CFAP299: variants seen among roughly 807,000 people sequenced by gnomAD.
CFAP299 encodes cilia- and flagella-associated protein 299.
CFAP299 carries 21 observed loss-of-function variants against 27.0 expected under a neutral mutation model. That is an observed-to-expected ratio of 0.78 (90% CI 0.55 to 1.12). CFAP299 has a LOEUF of 1.12. Ranked by LOEUF, CFAP299 falls within the 50% of genes most tolerant of loss-of-function variation. CFAP299 has a pLI of 0.00. For synonymous variants in CFAP299, 104 were observed against 98.1 expected, an observed-to-expected ratio of 1.06 and a Z score of -0.36; for missense variants, 310 against 276.6, an observed-to-expected ratio of 1.12 and a Z score of -0.86.
intron 3 of CFAP299, among the ~76,000 whole-genome samples, chr4:80,778,165 G>C (rs1371403216): frequency 6.6e-6 from 1 of 152,046 alleles, no homozygotes; most frequent in Non-Finnish European, 1.5e-5. Context: ...TTGGGTCTCA[G>C]GATTTTTTTT....
At chr4:80,721,767 T>C (rs1039428572) in intron 3 of CFAP299, among the ~76,000 whole-genome samples, 7 of 152,008 alleles carry the variant, frequency 4.6e-5, no homozygotes, top group Non-Finnish European at 1.0e-4. Context: ...CAAATTTTGG[T>C]AGGAAATTAT....
At chr4:80,741,471 G>A (rs573600015) in intron 3 of CFAP299, among the ~76,000 whole-genome samples, 28 of 152,034 alleles carry the variant, frequency 1.8e-4, no homozygotes, top group Non-Finnish European at 3.4e-4. Context: ...GTGTGTCTTC[G>A]AATGCCATCT....
At chr4:80,611,160 C>T (rs995270759) in intron 3 of CFAP299, among the ~76,000 whole-genome samples, 1 of 151,982 alleles carries the variant, frequency 6.6e-6, no homozygotes, top group African/African-American at 2.4e-5. Flanking sequence ...TGAAATTACA[C>T]CTGTCAGTAA....
At chr4:80,745,791 G>T (rs1724551162) in intron 3 of CFAP299, among the ~76,000 whole-genome samples, 1 of 151,898 alleles carries the variant, frequency 6.6e-6, no homozygotes, top group South Asian at 2.1e-4. Context: ...TAGTCATCAT[G>T]TTGCTTTAGA....
intron 4 of CFAP299, among the ~76,000 whole-genome samples, chr4:80,896,195 A>C (rs903367306): frequency 6.6e-6 from 1 of 152,104 alleles, no homozygotes; most frequent in Admixed American, 6.5e-5. Context: ...TTAGGTATTT[A>C]TACTGTTTGA....
intron 3 of CFAP299, among the ~76,000 whole-genome samples, chr4:80,641,628 G>T (rs1739732914): frequency 6.6e-6 from 1 of 152,174 alleles, no homozygotes; most frequent in South Asian, 2.1e-4. Flanking sequence ...AAAATATTAT[G>T]TTAGGTGCTG....
At chr4:80,941,796 AGGCACTTTACAT>A (rs1737211189) in intron 4 of CFAP299, among the ~76,000 whole-genome samples, 2 of 152,206 alleles carry the variant, frequency 1.3e-5, no homozygotes, top group South Asian at 4.1e-4. Context: ...AAGTGAGAAC[AGGCACTTTACAT>A]GGTTGGAGCA....
At chr4:80,466,214 T>C (rs1284697278) in intron 2 of CFAP299, among the ~76,000 whole-genome samples, 7 of 152,272 alleles carry the variant, frequency 4.6e-5, no homozygotes, top group Non-Finnish European at 1.0e-4. Flanking sequence ...GAATGGCATC[T>C]ACTTAAATGT....
chr4:80,890,946 A>T (rs1457041104), intron 4 of CFAP299, among the ~76,000 whole-genome samples: 2 of 150,972 alleles, frequency 1.3e-5, no homozygotes, highest in African/African-American at 4.9e-5. Flanking sequence ...AGTTCATTGT[A>T]GATTCTGGAT....
intron 2 of CFAP299, among the ~76,000 whole-genome samples, chr4:80,477,937 C>G (rs1215569213): frequency 1.3e-5 from 2 of 152,156 alleles, no homozygotes; most frequent in African/African-American, 4.8e-5. Flanking sequence ...GCAAATGGAA[C>G]TGGTCTCACT....
intron 2 of CFAP299, among the ~76,000 whole-genome samples, chr4:80,579,801 G>GTACA (rs1736074884): frequency 6.6e-6 from 1 of 151,964 alleles, no homozygotes; most frequent in South Asian, 2.1e-4. Context: ...CAAATATATA[G>GTACA]ATACATTGTA....
chr4:80,387,606 A>T, intron 2 of CFAP299: 1 of 1,257,502 alleles, frequency 8.0e-7, no homozygotes, highest in Non-Finnish European at 1.2e-6. Context: ...CAGAGTTTCG[A>T]GACACAGTGC....
At chr4:80,723,620 C>A (rs1004547419) in intron 3 of CFAP299, among the ~76,000 whole-genome samples, 4 of 151,956 alleles carry the variant, frequency 2.6e-5, no homozygotes, top group Admixed American at 2.6e-4. Flanking sequence ...GAAATGGGAA[C>A]AAGATAACTC....
rs1577949475 is a variant in CFAP299 at position 80,626,374 on chromosome 4, A to G, written c.333+43191A>G. ...CAACATACCCAAACTTACCAGATAC[A>G]GCAAAAGCAGTTCTAAGAAGGAAGC... On this transcript the variant is annotated intron_variant, in intron 3 of 5. Transcript: ENST00000358105. Among the ~76,000 whole-genome samples, 4 of 152,070 alleles carry G rather than the reference A, an allele frequency of 2.6e-5. No individual in the cohort carries two copies. In the South Asian group the frequency reaches 8.3e-4, roughly 31 times the overall value.
intron 2 of CFAP299, among the ~76,000 whole-genome samples, chr4:80,423,487 TG>T (rs1727386057): frequency 6.6e-6 from 1 of 152,172 alleles, no homozygotes; most frequent in African/African-American, 2.4e-5. Context: ...TTCCTGAGGC[TG>T]GTATTGTTTT....
chr4:80,755,576 G>A (rs1030714509), intron 3 of CFAP299, among the ~76,000 whole-genome samples: 7 of 152,166 alleles, frequency 4.6e-5, no homozygotes, highest in Admixed American at 2.0e-4. Flanking sequence ...AAAAGTGACC[G>A]TTGAACTTGA....
At chr4:80,865,664 A>G (rs758716072) in intron 3 of CFAP299, among the ~76,000 whole-genome samples, 4 of 152,116 alleles carry the variant, frequency 2.6e-5, no homozygotes, top group Admixed American at 6.6e-5. Flanking sequence ...AATTTCACTA[A>G]AAAGTCTTCT....
intron 2 of CFAP299, among the ~76,000 whole-genome samples, chr4:80,412,030 C>G (rs1310081918): frequency 2.0e-5 from 3 of 152,038 alleles, no homozygotes; most frequent in Non-Finnish European, 4.4e-5. Context: ...TGCATTAGGT[C>G]CCTTTTATGG....
intron 2 of CFAP299, chr4:80,387,663 C>T: frequency 1.9e-6 from 3 of 1,557,828 alleles, no homozygotes; most frequent in Non-Finnish European, 2.7e-6. Context: ...GCATGTGTTT[C>T]TTAACATTAG....
Sources: allele counts gnomAD v4.1 joint callset (sites outside exome capture counted in the v4.1 genomes callset), GRCh38; gene constraint gnomAD v4.1.1; transcripts MANE v1.5; gene names NCBI Gene and HGNC (gene_info 2026-07-23, HGNC 2026-07-21).